The following CLDN18 variants were observed in gnomAD, a reference collection of about 807,000 sequenced individuals.
The protein encoded by CLDN18 is claudin 18.
A neutral mutation model predicts 25.0 loss-of-function variants in CLDN18; 20 were observed. The observed-to-expected ratio is 0.80, with a 90% CI of 0.56 to 1.16. The LOEUF is 1.16. CLDN18 is among the 50% of genes most tolerant of loss of function. The probability of loss-of-function intolerance (pLI) is 0.00; values close to 1 mark genes in which losing one functional copy is unlikely to be tolerated. For missense variants in CLDN18, 297 were observed against 345.4 expected (o/e 0.86, Z 1.11); for synonymous variants, 125 against 135.6 (o/e 0.92, Z 0.54).
intron 4 of CLDN18, 73 bp downstream of exon 4, chr3:138,029,980 CAA>C: frequency 1.5e-5 from 12 of 805,262 alleles, no homozygotes; most frequent in Middle Eastern, 2.4e-4. Flanking sequence ...AACTTGCAGC[CAA>C]AAAAAAAATC....
chr3:138,018,336 T>A (rs1000174808), intron 1 of CLDN18, among the ~76,000 whole-genome samples: 1 of 122,644 alleles, frequency 8.2e-6, no homozygotes, highest in Non-Finnish European at 1.7e-5. Context: ...CCTCAAGGCC[T>A]TTTTTTTTTT....
At chr3:138,006,845 A>G (rs993134694), upstream of CLDN18, among the ~76,000 whole-genome samples, 7 of 152,216 alleles carry the variant, frequency 4.6e-5, no homozygotes, top group African/African-American at 1.7e-4. Context: ...ATCCTTTAAA[A>G]TTAACTTTTT....
At chr3:138,006,573 AT>A (rs1336048593), upstream of CLDN18, among the ~76,000 whole-genome samples, 1 of 152,226 alleles carries the variant, frequency 6.6e-6, no homozygotes, top group Non-Finnish European at 1.5e-5. Flanking sequence ...TCTGGTAGAG[AT>A]ACATTGATAT....
upstream of CLDN18, among the ~76,000 whole-genome samples, chr3:138,008,627 A>T (rs1279488227): frequency 7.7e-6 from 1 of 130,342 alleles, no homozygotes; most frequent in Non-Finnish European, 1.8e-5. Context: ...AATAAATAAA[A>T]ACAAAATATA....
intron 2 of CLDN18, among the ~76,000 whole-genome samples, 185 bp from the exon 3 acceptor site, chr3:138,024,422 T>C (rs1942302262): frequency 6.6e-6 from 1 of 152,202 alleles, no homozygotes; most frequent in African/African-American, 2.4e-5. Context: ...CAATTAGCGA[T>C]ATAAAACATT....
chr3:138,003,013 A>T (rs1942034688), intron 1 of CLDN18, among the ~76,000 whole-genome samples: 2 of 152,232 alleles, frequency 1.3e-5, no homozygotes, highest in South Asian at 4.1e-4. Context: ...CATAGGGAAT[A>T]TAGGTGTCAA....
intron 3 of CLDN18, among the ~76,000 whole-genome samples, chr3:138,028,221 C>G (rs1038813033): frequency 8.5e-5 from 13 of 152,126 alleles, no homozygotes; most frequent in African/African-American, 3.1e-4. Context: ...CCTGCCACCA[C>G]ACCTGGCTAA....
intron 1 of CLDN18, among the ~76,000 whole-genome samples, chr3:138,002,805 C>G (rs918727155): frequency 1.3e-5 from 2 of 152,140 alleles, no homozygotes; most frequent in Non-Finnish European, 1.5e-5. Context: ...AGTAGTCAAC[C>G]TTTTCTGGGC....
At chr3:138,026,444 G>C (rs1260238084) in intron 3 of CLDN18, among the ~76,000 whole-genome samples, 1 of 152,124 alleles carries the variant, frequency 6.6e-6, no homozygotes, top group Admixed American at 6.5e-5. Flanking sequence ...TCAGGAGTTC[G>C]AGACCAGCCT....
At chr3:138,002,698 G>A (rs1346733851) in intron 1 of CLDN18, among the ~76,000 whole-genome samples, 5 of 152,128 alleles carry the variant, frequency 3.3e-5, no homozygotes, top group African/African-American at 1.2e-4. Flanking sequence ...AGGCTCAGAG[G>A]GAAGAAGACA....
upstream of CLDN18, among the ~76,000 whole-genome samples, chr3:138,006,355 G>C (rs1942069724): frequency 6.6e-6 from 1 of 152,138 alleles, no homozygotes; most frequent in African/African-American, 2.4e-5. Flanking sequence ...GTTATAAAAA[G>C]TGGTGGAAAT....
intron 3 of CLDN18, among the ~76,000 whole-genome samples, chr3:138,027,163 A>G (rs943190298): frequency 7.2e-5 from 11 of 152,154 alleles, no homozygotes; most frequent in Non-Finnish European, 1.6e-4. Context: ...GCAGCATTAC[A>G]CTGGGCCCTC....
rs757411997 is a variant in CLDN18, at chr3:138,010,187, G to T, written c.-39G>T. On this transcript the variant is annotated 5_prime_UTR_variant, in exon 1 of 5. Coordinates refer to ENST00000183605, the MANE Select transcript of CLDN18 (RefSeq NM_016369.4). ...TTCACACCTTCGGCAGCAGGAGGGC[G>T]GCAGCTTCTCGCAGGCGGCAGGGCG... is the stretch of plus-strand genomic sequence containing the variant. 1.2e-6 allele frequency: 2 copies of T among 1,600,352 alleles called. No individual in the cohort carries two copies. Among genetic ancestry groups the T allele is most frequent in the South Asian group, 2.2e-5 (2 of 89,344 alleles).
At chr3:138,004,163 A>C (rs1193377250) in intron 1 of CLDN18, among the ~76,000 whole-genome samples, 1 of 152,212 alleles carries the variant, frequency 6.6e-6, no homozygotes, top group East Asian at 1.9e-4. Context: ...CCATCTCAAA[A>C]AAAAAATTTT....
intron 1 of CLDN18, chr3:138,004,588 C>T (rs1942049086): frequency 6.6e-6 from 1 of 151,844 alleles, no homozygotes; most frequent in African/African-American, 2.4e-5. Flanking sequence ...GGAATAAAAT[C>T]TAAAATCAGA....
At chr3:138,008,261 G>C (rs1254538612), upstream of CLDN18, among the ~76,000 whole-genome samples, 1 of 152,014 alleles carries the variant, frequency 6.6e-6, no homozygotes, top group Admixed American at 6.6e-5. Flanking sequence ...GTGGGTGTGT[G>C]TGTATGTTTC....
intron 2 of CLDN18, among the ~76,000 whole-genome samples, chr3:138,024,211 GA>G (rs948523157): frequency 4.0e-5 from 6 of 151,184 alleles, no homozygotes; most frequent in Admixed American, 6.6e-5. Context: ...AACTTAAGCT[GA>G]AAAAAAAGAG....
At chr3:138,005,366 T>C (rs1031859648), upstream of CLDN18, among the ~76,000 whole-genome samples, 23 of 152,174 alleles carry the variant, frequency 1.5e-4, no homozygotes, top group African/African-American at 5.6e-4. Flanking sequence ...TAGGTATTTC[T>C]CCTAATGCTA....
intron 1 of CLDN18, among the ~76,000 whole-genome samples, chr3:138,014,336 C>A (rs1230548964): frequency 6.6e-6 from 1 of 152,130 alleles, no homozygotes; most frequent in Non-Finnish European, 1.5e-5. Flanking sequence ...GGGCCAGTAG[C>A]CATGCACTGA....
Sources: gnomAD v4.1 joint callset for allele counts (sites outside exome capture counted in the v4.1 genomes callset) on GRCh38, gnomAD v4.1.1 for gene constraint, MANE v1.5 for transcripts, NCBI Gene and HGNC (gene_info 2026-07-23, HGNC 2026-07-21) for gene names.